The following BICD1 variants were observed in gnomAD, a reference collection of about 807,000 sequenced individuals.
BICD1 encodes the protein protein bicaudal D homolog 1.
A neutral mutation model predicts 92.5 loss-of-function variants in BICD1; 35 were observed. The ratio of observed to expected loss-of-function variants is 0.38; its 90% CI spans 0.29 to 0.50. The LOEUF (loss-of-function observed/expected upper bound fraction) is 0.50, where lower values mean the gene tolerates loss of function less well. BICD1 is among the 20% of genes least tolerant of loss of function. The pLI, the probability that BICD1 is intolerant of heterozygous loss-of-function variation, is 0.93. For missense variants in BICD1, 950 were observed against 1,189.8 expected (o/e 0.80, Z 2.97); for synonymous variants, 429 against 465.1 (o/e 0.92, Z 1.00).
intron 1 of BICD1, among the ~76,000 whole-genome samples, chr12:32,143,992 AT>A (rs1219708788): frequency 5.3e-5 from 8 of 152,188 alleles, no homozygotes; most frequent in African/African-American, 1.9e-4. Context: ...AAAATGATCT[AT>A]AGGAGTTCTT....
rs369462380 is a variant in BICD1, at chr12:32,177,745, AAT to A, written c.214-38494_214-38493del. Among the ~76,000 whole-genome samples, 84 of 140,162 alleles carry A rather than the reference AAT, an allele frequency of 6.0e-4. 1 individual carries two copies. Among genetic ancestry groups the A allele is most frequent in the East Asian group, 1.6e-3 (8 of 5,038 alleles). 92.0% of individuals were successfully genotyped at this position (140,162 alleles called of 152,430 possible). A position where few individuals can be genotyped will look rare whatever the true frequency, so the allele number is the denominator to read the frequency against. On this transcript the variant is annotated intron_variant, in intron 1 of 9. Transcript: ENST00000652176. ...TAAATATATTTATATATTTATATAA[AAT>A]ATATATAAATATTTTAATATATATT...
chr12:32,359,510 ACCCAT>A (rs1251786899), intron 8 of BICD1, among the ~76,000 whole-genome samples: 131 of 46,534 alleles, frequency 2.8e-3, no homozygotes, highest in Admixed American at 0.018. Context: ...TCCCATCATA[ACCCAT>A]GAATCCATTA....
intron 1 of BICD1, among the ~76,000 whole-genome samples, chr12:32,192,430 TTAAATAAATAAA>T (rs369679034): frequency 7.2e-6 from 1 of 139,220 alleles, no homozygotes; most frequent in Non-Finnish European, 1.5e-5. Context: ...CGAGACTCTG[TTAAATAAATAAA>T]TAAATAAATA....
At chr12:32,320,952 T>C (rs1948639905) in intron 4 of BICD1, among the ~76,000 whole-genome samples, 1 of 152,186 alleles carries the variant, frequency 6.6e-6, no homozygotes, top group African/African-American at 2.4e-5. Context: ...CAAATGGAAA[T>C]TAAAATAGTA....
At chr12:32,136,681 T>C (rs1942747037) in intron 1 of BICD1, among the ~76,000 whole-genome samples, 1 of 152,190 alleles carries the variant, frequency 6.6e-6, no homozygotes, top group Non-Finnish European at 1.5e-5. Context: ...GGATCGGTAT[T>C]GTAGCAATGC....
intron 2 of BICD1, among the ~76,000 whole-genome samples, chr12:32,249,928 C>T (rs930810917): frequency 1.3e-5 from 2 of 151,158 alleles, no homozygotes; most frequent in African/African-American, 2.4e-5. Context: ...ATAAATGCTT[C>T]TGGGGTTGGC....
At chr12:32,306,532 C>G (rs969742976) in intron 4 of BICD1, among the ~76,000 whole-genome samples, 1 of 152,018 alleles carries the variant, frequency 6.6e-6, no homozygotes, top group Non-Finnish European at 1.5e-5. Context: ...CGTGAGCCAC[C>G]GCGCCCAGCC....
chr12:32,324,445 A>G (rs1948728621), intron 4 of BICD1, among the ~76,000 whole-genome samples: 1 of 151,626 alleles, frequency 6.6e-6, no homozygotes, highest in Non-Finnish European at 1.5e-5. Context: ...AGTTTGGATC[A>G]CCTTCCAACA....
intron 2 of BICD1, among the ~76,000 whole-genome samples, chr12:32,238,817 G>A (rs751288498): frequency 3.7e-4 from 56 of 151,714 alleles, no homozygotes; most frequent in Admixed American, 2.3e-3. Flanking sequence ...ATGGTGGCAC[G>A]CCTGTAATCC....
intron 2 of BICD1, among the ~76,000 whole-genome samples, chr12:32,239,917 A>G (rs193269496): frequency 2.6e-4 from 40 of 152,204 alleles, no homozygotes; most frequent in African/African-American, 9.6e-4. Flanking sequence ...CCACTCAAGC[A>G]TTTTTTAATT....
chr12:32,161,130 T>A (rs1943588140), intron 1 of BICD1, among the ~76,000 whole-genome samples: 1 of 152,202 alleles, frequency 6.6e-6, no homozygotes, highest in Admixed American at 6.5e-5. Flanking sequence ...CTAAATGCAA[T>A]CTTTAACATG....
At position 32,378,763 on chromosome 12, in the gene BICD1, AAAC is replaced by A. The variant is rs1940082263; in HGVS notation, c.*1139_*1141del. ...TCATAACGAATCTTCCTTGCCAAAA[AAAC>A]AATAGATAATAAACCTTAGCTCATT... On this transcript the variant is annotated 3_prime_UTR_variant, in exon 10 of 10. Coordinates refer to ENST00000652176, the MANE Select transcript of BICD1 (RefSeq NM_001714.4). 1 of 152,230 alleles carries A rather than the reference AAAC, an allele frequency of 6.6e-6. No individual in the cohort carries two copies. Among genetic ancestry groups the A allele is most frequent in the Admixed American group, 6.6e-5 (1 of 15,264 alleles). The allele number at this position is 152,230 out of a possible 1,614,324, so 9.4% of individuals were successfully genotyped here.
At position 32,379,870 on chromosome 12, in the gene BICD1, G is replaced by A. The variant is rs1055859064; in HGVS notation, c.*2243G>A. On this transcript the variant is annotated 3_prime_UTR_variant, in exon 10 of 10. Coordinates refer to ENST00000652176, the MANE Select transcript of BICD1 (RefSeq NM_001714.4). ...GGAAGTATTGTCTGTGTGTGATGAC[G>A]GGGCAGTATTGCCAGTCGGCAATGT... is the stretch of plus-strand genomic sequence containing the variant. 3.3e-5 allele frequency: 5 copies of A among 152,154 alleles called. No homozygotes were observed. The highest frequency in any genetic ancestry group is 7.2e-5 in the African/African-American group (3 of 41,438). 9.4% of individuals were successfully genotyped at this position (152,154 alleles called of 1,614,324 possible). A position where few individuals can be genotyped will look rare whatever the true frequency, so the allele number is the denominator to read the frequency against.
intron 1 of BICD1, among the ~76,000 whole-genome samples, chr12:32,198,975 CT>C (rs1226121136): frequency 6.6e-6 from 1 of 152,076 alleles, no homozygotes; most frequent in Non-Finnish European, 1.5e-5. Context: ...CCATTTTCCT[CT>C]GTTAATATTA....
intron 2 of BICD1, among the ~76,000 whole-genome samples, chr12:32,250,925 G>T (rs1376777125): frequency 6.6e-6 from 1 of 152,080 alleles, no homozygotes; most frequent in African/African-American, 2.4e-5. Flanking sequence ...TCGAGGCTGC[G>T]GTGAGCTGTG....
intron 2 of BICD1, among the ~76,000 whole-genome samples, chr12:32,219,626 A>T (rs775974622): frequency 1.3e-5 from 2 of 152,178 alleles, no homozygotes; most frequent in African/African-American, 4.8e-5. Flanking sequence ...CTCTGAATTT[A>T]TCACCTCAAA....
chr12:32,172,428 A>G (rs1592414060), intron 1 of BICD1, among the ~76,000 whole-genome samples: 1 of 152,328 alleles, frequency 6.6e-6, no homozygotes, highest in East Asian at 1.9e-4. Context: ...TAACACTTTG[A>G]TGGTGAAGAA....
chr12:32,338,689 C>T (rs1938231351), intron 7 of BICD1, 97 bp from the exon 8 acceptor site: 10 of 989,054 alleles, frequency 1.0e-5, no homozygotes, highest in Admixed American at 2.9e-5. Flanking sequence ...AAATTAAATG[C>T]CAGTATAAAT....
intron 4 of BICD1, among the ~76,000 whole-genome samples, chr12:32,318,957 T>C (rs1463372053): frequency 1.3e-5 from 2 of 152,238 alleles, no homozygotes; most frequent in Non-Finnish European, 2.9e-5. Context: ...TATATAGAAA[T>C]ACAACTGATG....
Sources: gnomAD v4.1 joint callset for allele counts (sites outside exome capture counted in the v4.1 genomes callset) on GRCh38, gnomAD v4.1.1 for gene constraint, MANE v1.5 for transcripts, NCBI Gene and HGNC (gene_info 2026-07-23, HGNC 2026-07-21) for gene names.